Variants in SMARCA2 observed in about 807,000 individuals in gnomAD.
The protein encoded by SMARCA2 is SWI/SNF-related matrix-associated actin-dependent regulator of chromatin subfamily A member 2.
In SMARCA2, 61 loss-of-function variants were observed where a neutral mutation model predicts 199.8. That is an observed-to-expected ratio of 0.31 (90% CI 0.25 to 0.38). SMARCA2 has a LOEUF of 0.38. Ranked by LOEUF, SMARCA2 falls within the 10% of genes least tolerant of loss-of-function variation. The probability of loss-of-function intolerance (pLI) is 1.00; values close to 1 mark genes in which losing one functional copy is unlikely to be tolerated. For missense variants in SMARCA2, 1,344 were observed against 2,012.2 expected (o/e 0.67, Z 6.35); for synonymous variants, 935 against 732.0 (o/e 1.28, Z -4.48).
At chr9:2,154,763 G>A (rs188466268) in intron 27 of SMARCA2, among the ~76,000 whole-genome samples, 1 of 152,310 alleles carries the variant, frequency 6.6e-6, no homozygotes, top group East Asian at 1.9e-4. Context: ...TGTCTTAAAA[G>A]CATTAAGTTA....
chr9:2,064,917 G>A (rs182260363), intron 9 of SMARCA2, among the ~76,000 whole-genome samples: 1 of 152,238 alleles, frequency 6.6e-6, no homozygotes, highest in Non-Finnish European at 1.5e-5. Context: ...GGGTGCGGCG[G>A]CTCACGCCTG....
At chr9:2,183,579 T>C (rs1400321733) in intron 31 of SMARCA2, among the ~76,000 whole-genome samples, 1 of 152,214 alleles carries the variant, frequency 6.6e-6, no homozygotes, top group East Asian at 1.9e-4. Context: ...TTAAATTCCT[T>C]AAGCCTGTTT....
At chr9:2,055,614 A>G (rs749983443) in intron 6 of SMARCA2, 9 of 152,208 alleles carry the variant, frequency 5.9e-5, no homozygotes, top group Admixed American at 2.0e-4. Flanking sequence ...TCCAGTTGCT[A>G]TTGTGGTAGG....
intron 29 of SMARCA2, among the ~76,000 whole-genome samples, chr9:2,180,000 G>C (rs1244039515): frequency 6.6e-6 from 1 of 152,338 alleles, no homozygotes; most frequent in East Asian, 1.9e-4. Context: ...TTGTGGCCCT[G>C]TGTTGAAGGT....
chr9:2,103,361 C>A (rs1444807739), intron 22 of SMARCA2, among the ~76,000 whole-genome samples: 2 of 152,146 alleles, frequency 1.3e-5, no homozygotes, highest in Non-Finnish European at 2.9e-5. Flanking sequence ...CAAAGGTTGC[C>A]AAACTCTGCT....
chr9:2,150,487 C>T (rs1168857317), intron 27 of SMARCA2, among the ~76,000 whole-genome samples: 1 of 151,554 alleles, frequency 6.6e-6, no homozygotes, highest in Non-Finnish European at 1.5e-5. Context: ...GCAGCGCAGG[C>T]AGCAGATGCT....
intron 4 of SMARCA2, chr9:2,043,001 A>T (rs1819678484): frequency 6.6e-6 from 1 of 151,882 alleles, no homozygotes; most frequent in Non-Finnish European, 1.5e-5. Context: ...TTTTTTTTTT[A>T]GATTGGCTTT....
chr9:2,190,422 C>G (rs933698928), intron 32 of SMARCA2, among the ~76,000 whole-genome samples: 1 of 152,160 alleles, frequency 6.6e-6, no homozygotes, highest in Non-Finnish European at 1.5e-5. Context: ...GGAAAATTTT[C>G]AGGTATTTAA....
At chr9:2,075,712 C>T (rs139124183) in intron 12 of SMARCA2, among the ~76,000 whole-genome samples, 5,659 of 152,164 alleles carry the variant, frequency 0.037, 355 homozygotes, top group African/African-American at 0.13. Flanking sequence ...GGCTGGAGTG[C>T]AGTGGTGTGA....
intron 27 of SMARCA2, among the ~76,000 whole-genome samples, chr9:2,154,428 C>T (rs1345942683): frequency 3.3e-5 from 5 of 152,178 alleles, no homozygotes; most frequent in Admixed American, 3.3e-4. Context: ...GCTTTATTTA[C>T]GTGTTTTCCT....
chr9:2,144,239 C>A (rs1033326301), intron 27 of SMARCA2, among the ~76,000 whole-genome samples: 1 of 152,092 alleles, frequency 6.6e-6, no homozygotes, highest in African/African-American at 2.4e-5. Flanking sequence ...CCTCAGTCTT[C>A]TTTTCTGAGA....
chr9:2,167,164 A>G (rs966926469), intron 28 of SMARCA2, among the ~76,000 whole-genome samples: 1 of 152,216 alleles, frequency 6.6e-6, no homozygotes, highest in South Asian at 2.1e-4. Flanking sequence ...AGCAGAAGCA[A>G]TCTACATGCT....
chr9:2,047,260 C>A lies in SMARCA2; in HGVS notation c.822C>A (p.Thr274=). ...GPGPELSGPS[T]PQKLPVPAPG... The stretch of plus-strand genomic sequence containing the variant: ...GGCCGGAGCTGAGCGGCCCGAGCAC[C>A]CCGCAGAAGCTGCCGGTGCCCGCGC... The change falls in exon 5 of 34, where the codon ACC becomes ACA. Residue 274 remains threonine (T), a synonymous_variant. Coordinates refer to ENST00000349721, the MANE Select transcript of SMARCA2 (RefSeq NM_003070.5). 1.3e-5 allele frequency: 13 copies of A among 1,008,026 alleles called. No homozygotes were observed. The highest frequency in any genetic ancestry group is 6.1e-5 in the Admixed American group (1 of 16,432). The allele number at this position is 1,008,026 out of a possible 1,614,324, so 62.4% of individuals were successfully genotyped here. A position where few individuals can be genotyped will look rare whatever the true frequency, so the allele number is the denominator to read the frequency against.
chr9:2,138,085 C>A (rs908120042), intron 27 of SMARCA2, among the ~76,000 whole-genome samples: 1 of 152,096 alleles, frequency 6.6e-6, no homozygotes, highest in Non-Finnish European at 1.5e-5. Context: ...ACAAGCATTG[C>A]TTCAACCCAG....
Position 2,056,700 on chromosome 9 carries a change from G to A in SMARCA2, c.1202G>A (p.Arg401His), listed in dbSNP as rs745500947. The part of the protein sequence containing the change: ...QLRQEVVACM[R>H]RDTTLETALN... ...AGACAGGAGGTGGTGGCCTGCATGC[G>A]CAGGGACACGACCCTGGAGACGGCT... Residue 401 changes from arginine (R) to histidine (H), a missense_variant, in exon 7 of 34, where the codon CGC (arginine) becomes CAC (histidine). Physicochemically the swap from Arg to His is conservative, Grantham distance 29. Transcript: ENST00000349721. The surrounding 1 kb of genome is among the most constrained non-coding windows in gnomAD (Gnocchi z 4.0). The A allele has an allele frequency of 2.5e-6, 4 of 1,613,774 alleles. No homozygotes were observed. The highest frequency in any genetic ancestry group is 2.5e-6 in the Non-Finnish European group (3 of 1,179,920).
intron 27 of SMARCA2, among the ~76,000 whole-genome samples, chr9:2,141,480 G>A (rs2130686966): frequency 6.6e-6 from 1 of 152,128 alleles, no homozygotes; most frequent in South Asian, 2.1e-4. Context: ...ACAAGGTAAT[G>A]GCACCAATGG....
intron 29 of SMARCA2, among the ~76,000 whole-genome samples, chr9:2,179,356 T>G (rs1156405830): frequency 6.6e-6 from 1 of 152,206 alleles, no homozygotes; most frequent in African/African-American, 2.4e-5. Flanking sequence ...CAGGTCCTCC[T>G]TTTGCCTTTG....
In SMARCA2 at chr9:2,056,587, C is replaced by T; in HGVS notation, c.1174-85C>T. The T allele has an allele frequency of 8.0e-7, 1 of 1,246,562 alleles. No individual in the cohort carries two copies. The highest frequency in any genetic ancestry group is 2.5e-5 in the East Asian group (1 of 40,274). 77.2% of individuals were successfully genotyped at this position (1,246,562 alleles called of 1,614,324 possible). A position where few individuals can be genotyped will look rare whatever the true frequency, so the allele number is the denominator to read the frequency against. ...TGGAGATTCCCCGCCCCACTCTATTCCATTAAATGCAACCGCGAGAAGGCC... is the reference window on the plus strand; with the variant it reads ...TGGAGATTCCCCGCCCCACTCTATTTCATTAAATGCAACCGCGAGAAGGCC... On this transcript the variant is annotated intron_variant, in intron 6 of 33. Transcript: ENST00000349721. This position sits in a 1 kb window ranked among gnomAD's most constrained non-coding sequence, Gnocchi z 4.0.
intron 27 of SMARCA2, among the ~76,000 whole-genome samples, chr9:2,137,448 G>A (rs1824251426): frequency 1.3e-5 from 2 of 151,992 alleles, no homozygotes; most frequent in Admixed American, 6.6e-5. Context: ...TCTCTGGGTG[G>A]CTGCTCCACT....
Sources: gnomAD v4.1 joint callset for allele counts (sites outside exome capture counted in the v4.1 genomes callset) on GRCh38, gnomAD v4.1.1 for gene constraint, Gnocchi (gnomAD v3.1) non-coding constraint, MANE v1.5 for transcripts, NCBI Gene and HGNC (gene_info 2026-07-23, HGNC 2026-07-21) for gene names.